Variants in NPAS3 observed in about 807,000 individuals in gnomAD.
NPAS3 encodes neuronal PAS domain protein 3.
Under a neutral mutation model 73.1 loss-of-function variants are expected in NPAS3, and 14 were observed. The ratio of observed to expected loss-of-function variants is 0.19; its 90% CI spans 0.13 to 0.30. The LOEUF (loss-of-function observed/expected upper bound fraction) is 0.30. Ranked by LOEUF, NPAS3 falls within the 10% of genes least tolerant of loss-of-function variation. The pLI is 1.00. For missense variants in NPAS3, 1,096 were observed against 1,250.0 expected (o/e 0.88, Z 1.86); for synonymous variants, 620 against 541.5 (o/e 1.14, Z -2.01).
intron 3 of NPAS3, among the ~76,000 whole-genome samples, chr14:33,319,920 A>G (rs2043366159): frequency 6.6e-6 from 1 of 152,188 alleles, no homozygotes; most frequent in African/African-American, 2.4e-5. Context: ...CGTGGTAGGT[A>G]TTCAAGAAAT....
chr14:33,709,049 A>C (rs1037516829), intron 6 of NPAS3, among the ~76,000 whole-genome samples: 1 of 152,210 alleles, frequency 6.6e-6, no homozygotes, highest in Non-Finnish European at 1.5e-5. Flanking sequence ...CGGAAAGCCC[A>C]AGTGAGATGG....
intron 5 of NPAS3, among the ~76,000 whole-genome samples, chr14:33,654,604 A>G (rs1713328933): frequency 6.6e-6 from 1 of 152,214 alleles, no homozygotes; most frequent in Non-Finnish European, 1.5e-5. Flanking sequence ...CTCTTTAGAC[A>G]TTACCTTTGT....
At chr14:33,284,791 T>G (rs897778073) in intron 3 of NPAS3, among the ~76,000 whole-genome samples, 2 of 141,016 alleles carry the variant, frequency 1.4e-5, no homozygotes, top group African/African-American at 4.9e-5. Context: ...TATCTATCTA[T>G]CTATCTATCT....
chr14:33,361,888 A>G (rs1440060146), intron 3 of NPAS3, among the ~76,000 whole-genome samples: 1 of 152,170 alleles, frequency 6.6e-6, no homozygotes, highest in Non-Finnish European at 1.5e-5. Context: ...CACGTGCCCA[A>G]TTAACAATGC....
intron 3 of NPAS3, among the ~76,000 whole-genome samples, chr14:33,326,510 G>A (rs559174112): frequency 8.5e-5 from 13 of 152,178 alleles, no homozygotes; most frequent in Admixed American, 2.0e-4. Context: ...GCTTGTTTTC[G>A]TTTACTTTTT....
At chr14:33,256,551 C>A (rs189984963) in intron 3 of NPAS3, among the ~76,000 whole-genome samples, 1 of 152,126 alleles carries the variant, frequency 6.6e-6, no homozygotes, top group African/African-American at 2.4e-5. Context: ...AGAATATAAT[C>A]CAGGGAGACC....
Position 33,123,335 on chromosome 14 carries a change from G to A in NPAS3, c.140+67341G>A, listed in dbSNP as rs796572556. On this transcript the variant is annotated intron_variant, in intron 2 of 11. Transcript: ENST00000356141. ...TACCTGCCATTAATAGGGACCAAGG[G>A]AGATGCCACAAGAGCACCGTGTCAG... Among the ~76,000 whole-genome samples the A allele has an allele frequency of 2.0e-4, 31 of 152,184 alleles. 1 individual carries two copies. Among genetic ancestry groups the A allele is most frequent in the African/African-American group, 7.2e-4 (30 of 41,540 alleles).
chr14:33,615,121 G>A (rs2057872832), intron 5 of NPAS3, among the ~76,000 whole-genome samples: 1 of 152,110 alleles, frequency 6.6e-6, no homozygotes, highest in Non-Finnish European at 1.5e-5. Flanking sequence ...GCAGCACTTA[G>A]GGCAATAAGT....
At chr14:33,099,521 T>C (rs1260749716) in intron 2 of NPAS3, among the ~76,000 whole-genome samples, 2 of 152,000 alleles carry the variant, frequency 1.3e-5, no homozygotes, top group African/African-American at 4.8e-5. Context: ...CACTAGGAAA[T>C]GGTGATAGAG....
At chr14:33,461,255 G>A (rs1289656279) in intron 4 of NPAS3, among the ~76,000 whole-genome samples, 2 of 152,152 alleles carry the variant, frequency 1.3e-5, no homozygotes, top group African/African-American at 4.8e-5. Flanking sequence ...CAAAAGACAG[G>A]AATGTCTGTT....
chr14:33,290,524 G>A (rs1383837840), intron 3 of NPAS3, among the ~76,000 whole-genome samples: 1 of 152,214 alleles, frequency 6.6e-6, no homozygotes, highest in African/African-American at 2.4e-5. Flanking sequence ...CTTAATGCCA[G>A]CAGGCAGCTG....
At chr14:33,352,401 A>G (rs550127070) in intron 3 of NPAS3, among the ~76,000 whole-genome samples, 1 of 152,336 alleles carries the variant, frequency 6.6e-6, no homozygotes, top group East Asian at 1.9e-4. Context: ...TTAAAAATTA[A>G]GATTGAATGA....
chr14:33,098,323 A>G (rs1044476472), intron 2 of NPAS3, among the ~76,000 whole-genome samples: 18 of 152,186 alleles, frequency 1.2e-4, no homozygotes, highest in Non-Finnish European at 1.9e-4. Context: ...AATTTTTTTC[A>G]GATTTAGTAT....
intron 4 of NPAS3, among the ~76,000 whole-genome samples, chr14:33,490,924 G>A (rs2051863134): frequency 1.3e-5 from 2 of 152,150 alleles, no homozygotes; most frequent in South Asian, 4.1e-4. Flanking sequence ...TGACCCAAAG[G>A]GCTGAACCCC....
chr14:32,994,804 G>A (rs796632061), intron 1 of NPAS3, among the ~76,000 whole-genome samples: 3 of 151,954 alleles, frequency 2.0e-5, no homozygotes, highest in African/African-American at 7.3e-5. Flanking sequence ...GCTAATTTTT[G>A]TATTTTCAGT....
intron 7 of NPAS3, among the ~76,000 whole-genome samples, chr14:33,765,610 T>C (rs1164353402): frequency 6.6e-6 from 1 of 152,238 alleles, no homozygotes; most frequent in Non-Finnish European, 1.5e-5. Flanking sequence ...TGATCCTCCA[T>C]TTTCAAAGAG....
intron 2 of NPAS3, among the ~76,000 whole-genome samples, chr14:33,156,869 A>G (rs2044665944): frequency 6.6e-6 from 1 of 152,204 alleles, no homozygotes; most frequent in South Asian, 2.1e-4. Context: ...ATATTTCGCA[A>G]TGAGCTCAGT....
At chr14:33,767,464 C>G (rs894652397) in intron 7 of NPAS3, among the ~76,000 whole-genome samples, 3 of 151,922 alleles carry the variant, frequency 2.0e-5, no homozygotes, top group African/African-American at 7.3e-5. Flanking sequence ...TATGCTAAAC[C>G]AGACTTCTAC....
At chr14:33,125,163 G>C (rs78000838) in intron 2 of NPAS3, among the ~76,000 whole-genome samples, 2,806 of 151,884 alleles carry the variant, frequency 0.018, 45 homozygotes, top group Middle Eastern at 0.041. Flanking sequence ...GCATGTAATG[G>C]GTGCATTACA....
Sources: gnomAD v4.1 joint callset for allele counts (sites outside exome capture counted in the v4.1 genomes callset) on GRCh38, gnomAD v4.1.1 for gene constraint, MANE v1.5 for transcripts, NCBI Gene and HGNC (gene_info 2026-07-23, HGNC 2026-07-21) for gene names.